Variants in ALK observed in about 807,000 individuals in gnomAD.
ALK encodes the protein ALK receptor tyrosine kinase.
Under a neutral mutation model 163.1 loss-of-function variants are expected in ALK, and 74 were observed. That is an observed-to-expected ratio of 0.45 (90% CI 0.38 to 0.55). The LOEUF is 0.55. Ranked by LOEUF, ALK falls within the 20% of genes least tolerant of loss-of-function variation. The pLI is 0.00. For missense variants in ALK, 2,063 were observed against 2,105.3 expected, an observed-to-expected ratio of 0.98 and a Z score of 0.39; for synonymous variants, 960 against 843.2, an observed-to-expected ratio of 1.14 and a Z score of -2.40.
chr2:29,443,402 C>A (rs539408074), intron 4 of ALK, among the ~76,000 whole-genome samples: 76 of 152,336 alleles, frequency 5.0e-4, no homozygotes, highest in African/African-American at 1.8e-3. Context: ...ATCTTTAGAG[C>A]TGTTCTGCTG....
In ALK at chr2:29,316,653, T is replaced by C. The variant is rs558590095; in HGVS notation, c.1647+1651A>G. 3.9e-5 allele frequency among the ~76,000 whole-genome samples: 6 copies of C among 152,334 alleles called. No individual in the cohort carries two copies. In the South Asian group the frequency reaches 8.3e-4, roughly 21 times the overall value. On this transcript the variant is annotated intron_variant, in intron 8 of 28. Transcript: ENST00000389048. Reference sequence around the variant, plus strand: ...GGCCAACCATCTGTCTTCATTTATATGTTCTCTCAAAAAGCCTTCCTTTCT... The same window carrying C: ...GGCCAACCATCTGTCTTCATTTATACGTTCTCTCAAAAAGCCTTCCTTTCT...
Position 29,197,180 on chromosome 2 carries a change from C to T in ALK, c.4074-320G>A, listed in dbSNP as rs1443789387. Among the ~76,000 whole-genome samples the T allele has an allele frequency of 2.0e-5, 3 of 152,166 alleles. No homozygotes were observed. In the East Asian group the frequency reaches 5.8e-4, roughly 29 times the overall value. ...TGGGAAGGAAGTGAGGGGTGCCAGGCAGGGCAGGAGACATTGCAGGGAATG... is the reference window on the plus strand; with the variant it reads ...TGGGAAGGAAGTGAGGGGTGCCAGGTAGGGCAGGAGACATTGCAGGGAATG... On this transcript the variant is annotated intron_variant, in intron 27 of 28. Coordinates refer to ENST00000389048, the MANE Select transcript of ALK (RefSeq NM_004304.5).
intron 19 of ALK, 119 bp downstream of exon 19, chr2:29,225,342 A>C (rs1362381603): frequency 2.1e-5 from 20 of 960,094 alleles, no homozygotes; most frequent in African/African-American, 1.3e-4. Flanking sequence ...TCACCACCCC[A>C]CCCAATTCCA....
At chr2:29,380,448 C>T (rs1668868008) in intron 5 of ALK, among the ~76,000 whole-genome samples, 1 of 151,736 alleles carries the variant, frequency 6.6e-6, no homozygotes, top group South Asian at 2.1e-4. Flanking sequence ...GACGGAGTTT[C>T]ACTCTTGTTG....
chr2:29,516,311 T>G (rs4567889), intron 4 of ALK, among the ~76,000 whole-genome samples: 4 of 152,066 alleles, frequency 2.6e-5, no homozygotes, highest in Admixed American at 6.5e-5. Context: ...GGGCACAGCA[T>G]GAAACATCTC....
chr2:29,660,333 C>A (rs1217057190), intron 3 of ALK, among the ~76,000 whole-genome samples: 1 of 152,186 alleles, frequency 6.6e-6, no homozygotes, highest in Non-Finnish European at 1.5e-5. Flanking sequence ...CCTGAGTGAT[C>A]TGTGCCCAAT....
chr2:29,683,291 C>T (rs557529076), intron 3 of ALK, among the ~76,000 whole-genome samples: 184 of 152,144 alleles, frequency 1.2e-3, no homozygotes, highest in South Asian at 3.1e-3. Flanking sequence ...GCAGGAGAAT[C>T]GCTTGAACCC....
chr2:29,505,535 C>T (rs1171345949), intron 4 of ALK, among the ~76,000 whole-genome samples: 2 of 152,046 alleles, frequency 1.3e-5, no homozygotes, highest in Non-Finnish European at 2.9e-5. Flanking sequence ...AGGGGGAGTT[C>T]TACGTTAGGC....
At chr2:29,200,763 A>ATATATATACG (rs1558608735) in intron 26 of ALK, among the ~76,000 whole-genome samples, 1 of 85,882 alleles carries the variant, frequency 1.2e-5, no homozygotes, top group African/African-American at 4.9e-5. Context: ...GTATATATGT[A>ATATATATACG]TATATATACG....
rs567148153 is a variant in ALK, at chr2:29,212,896, G to A, written c.3743+1088C>T. 5.3e-5 allele frequency among the ~76,000 whole-genome samples: 8 copies of A among 152,198 alleles called. No homozygotes were observed. The South Asian group carries it at 1.7e-3, about 32-fold the overall frequency. On this transcript the variant is annotated intron_variant, in intron 24 of 28. Transcript: ENST00000389048. ...AATTTTGTATTTTTAGTAGACATGG[G>A]GTTGCTCCATGTTGGTCAGGCTGGT... is the stretch of plus-strand genomic sequence containing the variant.
chr2:29,264,060 T>G (rs1423268550), intron 11 of ALK, among the ~76,000 whole-genome samples: 1 of 152,222 alleles, frequency 6.6e-6, no homozygotes, highest in Non-Finnish European at 1.5e-5. Flanking sequence ...TTTTTCGTGC[T>G]TCTTCAGAGT....
chr2:29,727,820 G>A (rs1679615709), intron 1 of ALK, among the ~76,000 whole-genome samples: 1 of 152,066 alleles, frequency 6.6e-6, no homozygotes, highest in South Asian at 2.1e-4. Context: ...TAACAATGGT[G>A]ATCAATGTTA....
intron 1 of ALK, among the ~76,000 whole-genome samples, chr2:29,869,564 A>G (rs1402271749): frequency 6.6e-6 from 1 of 152,218 alleles, no homozygotes; most frequent in African/African-American, 2.4e-5. Flanking sequence ...ACTATATGGA[A>G]GAAAATCAAT....
chr2:29,694,500 C>T (rs1678495263), intron 3 of ALK, among the ~76,000 whole-genome samples: 1 of 152,202 alleles, frequency 6.6e-6, no homozygotes, highest in African/African-American at 2.4e-5. Context: ...AAATCATTTG[C>T]TGTTCATCTG....
chr2:29,795,196 A>G (rs938617863), intron 1 of ALK, among the ~76,000 whole-genome samples: 1 of 152,162 alleles, frequency 6.6e-6, no homozygotes, highest in African/African-American at 2.4e-5. Flanking sequence ...ACACACACAC[A>G]CACGCAAAGA....
chr2:29,846,010 A>C (rs773957516), intron 1 of ALK, among the ~76,000 whole-genome samples: 50 of 152,344 alleles, frequency 3.3e-4, no homozygotes, highest in South Asian at 1.0e-3. Context: ...GGTCTATATC[A>C]TATAGTGCTA....
At chr2:29,774,661 A>G (rs1558482596) in intron 1 of ALK, among the ~76,000 whole-genome samples, 1 of 152,186 alleles carries the variant, frequency 6.6e-6, no homozygotes, top group Non-Finnish European at 1.5e-5. Flanking sequence ...AAGTGCTGAC[A>G]TTTGGACTGT....
intron 5 of ALK, among the ~76,000 whole-genome samples, chr2:29,370,831 C>T (rs976362810): frequency 5.3e-5 from 8 of 152,176 alleles, no homozygotes; most frequent in Non-Finnish European, 1.0e-4. Flanking sequence ...CCATCATCCC[C>T]TAGACGTGAG....
intron 1 of ALK, among the ~76,000 whole-genome samples, chr2:29,914,098 T>C (rs545186609): frequency 6.6e-6 from 1 of 152,338 alleles, no homozygotes; most frequent in Non-Finnish European, 1.5e-5. Context: ...AAGAACTGGA[T>C]TGCGAATATG....
Sources: allele counts gnomAD v4.1 joint callset (sites outside exome capture counted in the v4.1 genomes callset), GRCh38; gene constraint gnomAD v4.1.1; transcripts MANE v1.5; gene names NCBI Gene and HGNC (gene_info 2026-07-23, HGNC 2026-07-21).